Variants in PAK2 observed in about 807,000 individuals in gnomAD.
The protein encoded by PAK2 is p21 (RAC1) activated kinase 2, also known as serine/threonine-protein kinase PAK 2.
Under a neutral mutation model 65.9 loss-of-function variants are expected in PAK2, and 21 were observed. That is an observed-to-expected ratio of 0.32 (90% CI 0.23 to 0.46). PAK2 has a LOEUF of 0.46. Among genes scored for constraint, PAK2 ranks in the 20% least tolerant of loss-of-function variants. The pLI, the probability that PAK2 is intolerant of heterozygous loss-of-function variation, is 1.00. For missense variants in PAK2, 324 were observed against 642.6 expected, an observed-to-expected ratio of 0.50 and a Z score of 5.36; for synonymous variants, 204 against 219.7, an observed-to-expected ratio of 0.93 and a Z score of 0.63.
rs77267508 is a variant in PAK2, at chr3:196,815,822, G to A, written c.1053+1254G>A. Among the ~76,000 whole-genome samples the A allele has an allele frequency of 7.3e-3, 1,107 of 151,760 alleles. 14 individuals carry two copies. The highest frequency in any genetic ancestry group is 0.024 in the African/African-American group (1,012 of 41,414). On this transcript the variant is annotated intron_variant, in intron 11 of 14. Coordinates refer to ENST00000327134, the MANE Select transcript of PAK2 (RefSeq NM_002577.4). Reference sequence around the variant, plus strand: ...AGAGAAAGAAATACGCCACTCAACCGTGGAAACTAGAACTATCTCAGGTCA... The same window carrying A: ...AGAGAAAGAAATACGCCACTCAACCATGGAAACTAGAACTATCTCAGGTCA...
chr3:196,824,233 G>A (rs1711754321), intron 13 of PAK2, among the ~76,000 whole-genome samples: 1 of 152,190 alleles, frequency 6.6e-6, no homozygotes, highest in African/African-American at 2.4e-5. Flanking sequence ...GGATCTTGGT[G>A]ATTACATAGA....
intron 2 of PAK2, among the ~76,000 whole-genome samples, chr3:196,784,751 A>G (rs936669723): frequency 1.3e-5 from 2 of 150,862 alleles, no homozygotes; most frequent in Non-Finnish European, 2.9e-5. Context: ...CAGTAATGGG[A>G]TGGCTGGGTC....
intron 5 of PAK2, among the ~76,000 whole-genome samples, chr3:196,806,163 G>A (rs935447697): frequency 7.9e-5 from 12 of 151,766 alleles, no homozygotes; most frequent in Non-Finnish European, 1.8e-4. Context: ...CACCCACCTC[G>A]GCCTCCCAAA....
At chr3:196,818,329 A>G (rs1212083209) in intron 12 of PAK2, among the ~76,000 whole-genome samples, 173 bp downstream of exon 12, 2 of 152,182 alleles carry the variant, frequency 1.3e-5, no homozygotes, top group Admixed American at 1.3e-4. Flanking sequence ...TGCCAGAGAA[A>G]GGACTCGCTG....
intron 1 of PAK2, among the ~76,000 whole-genome samples, chr3:196,769,486 T>C (rs1714288881): frequency 1.3e-5 from 2 of 151,846 alleles, no homozygotes; most frequent in Admixed American, 6.6e-5. Flanking sequence ...CCACCATCCT[T>C]TTCCAGAGCA....
At chr3:196,825,925 C>T (rs1043155797) in intron 13 of PAK2, among the ~76,000 whole-genome samples, 6 of 151,956 alleles carry the variant, frequency 3.9e-5, no homozygotes, top group African/African-American at 1.4e-4. Flanking sequence ...CTCACTGCAA[C>T]CTCCACCTCC....
intron 2 of PAK2, among the ~76,000 whole-genome samples, chr3:196,800,908 G>A (rs1284393199): frequency 6.6e-6 from 1 of 152,084 alleles, no homozygotes. Flanking sequence ...TGTCATGGAC[G>A]GTAACTGCAG....
intron 1 of PAK2, among the ~76,000 whole-genome samples, chr3:196,779,910 A>G (rs941580271): frequency 5.3e-5 from 8 of 152,242 alleles, no homozygotes; most frequent in Admixed American, 2.6e-4. Flanking sequence ...ACCCCAAGCA[A>G]TCCGCCCACC....
At chr3:196,825,512 G>A (rs1007660644) in intron 13 of PAK2, among the ~76,000 whole-genome samples, 15 of 151,952 alleles carry the variant, frequency 9.9e-5, no homozygotes, top group South Asian at 2.1e-4. Flanking sequence ...GCATTTTGGC[G>A]GGCGCCTATA....
intron 1 of PAK2, among the ~76,000 whole-genome samples, chr3:196,770,489 A>G (rs749857378): frequency 6.6e-6 from 1 of 151,808 alleles, no homozygotes; most frequent in Non-Finnish European, 1.5e-5. Context: ...CATGCCTGTG[A>G]GTAGCCACTG....
chr3:196,806,757 G>T, intron 6 of PAK2, 71 bp downstream of exon 6: 2 of 888,778 alleles, frequency 2.3e-6, no homozygotes, highest in South Asian at 1.4e-5. Flanking sequence ...GTTTGTATTT[G>T]ACTTTCAGTG....
rs1344504419 is a variant in PAK2, at chr3:196,812,721, A to T, written c.823-18A>T. On this transcript the variant is annotated intron_variant, in intron 9 of 14. Transcript: ENST00000327134. ...GAATTCCTAAACCTGGTTTTTTTCA[A>T]TCCTGTTTTCATTATAGGTTGCTAT... The T allele has an allele frequency of 2.7e-6, 3 of 1,129,904 alleles. No homozygotes were observed. Among genetic ancestry groups the T allele is most frequent in the Admixed American group, 1.9e-5 (1 of 51,872 alleles). 70.0% of individuals were successfully genotyped at this position (1,129,904 alleles called of 1,614,324 possible). A position where few individuals can be genotyped will look rare whatever the true frequency, so the allele number is the denominator to read the frequency against.
At position 196,742,099 on chromosome 3, in the gene PAK2, C is replaced by CTTTT. The variant is rs60738699; in HGVS notation, c.-22+1957_-22+1960dup. Among the ~76,000 whole-genome samples, 40 of 128,994 alleles carry CTTTT rather than the reference C, an allele frequency of 3.1e-4. 1 individual carries two copies. The highest frequency in any genetic ancestry group is 4.8e-4 in the South Asian group (2 of 4,150). 84.6% of individuals were successfully genotyped at this position (128,994 alleles called of 152,430 possible). A position where few individuals can be genotyped will look rare whatever the true frequency, so the allele number is the denominator to read the frequency against. ...TAGATGCGGTTAACAATTAATATTT[C>CTTTT]TTTTTTTTTTTTTTTTTTGAGACGG... On this transcript the variant is annotated intron_variant, in intron 1 of 14. Coordinates refer to ENST00000327134, the MANE Select transcript of PAK2 (RefSeq NM_002577.4).
intron 1 of PAK2, among the ~76,000 whole-genome samples, chr3:196,770,779 C>T (rs749875417): frequency 2.0e-5 from 3 of 151,836 alleles, no homozygotes; most frequent in Non-Finnish European, 4.4e-5. Context: ...CATGCCACCA[C>T]GCCCGACTAA....
intron 2 of PAK2, chr3:196,785,170 G>A (rs1409935635): frequency 1.3e-5 from 2 of 152,180 alleles, no homozygotes; most frequent in Admixed American, 1.3e-4. Flanking sequence ...TATGAACTCT[G>A]TATAGTGGAC....
At chr3:196,788,903 T>C (rs1181769547) in intron 2 of PAK2, among the ~76,000 whole-genome samples, 1 of 152,048 alleles carries the variant, frequency 6.6e-6, no homozygotes, top group Non-Finnish European at 1.5e-5. Context: ...ATGTAGGCAC[T>C]ACAGACAGCA....
chr3:196,814,815 G>T lies in PAK2; in HGVS notation c.1053+247G>T, dbSNP rs553405223. On this transcript the variant is annotated intron_variant, in intron 11 of 14. Transcript: ENST00000327134. Reference sequence around the variant, plus strand: ...GATCCAGATTCACAAGGAAATTCTGGTAGAGTGATGATGATCATTTACCAT... The same window carrying T: ...GATCCAGATTCACAAGGAAATTCTGTTAGAGTGATGATGATCATTTACCAT... 2.2e-3 allele frequency among the ~76,000 whole-genome samples: 334 copies of T among 152,240 alleles called. 2 individuals carry two copies. The highest frequency in any genetic ancestry group is 7.5e-3 in the African/African-American group (313 of 41,532).
chr3:196,810,536 A>G, intron 7 of PAK2, 54 bp from the exon 8 acceptor site: 4 of 904,158 alleles, frequency 4.4e-6, no homozygotes, highest in East Asian at 2.4e-5. Flanking sequence ...TAATATCACA[A>G]TCAATTTACA....
chr3:196,794,087 C>T (rs550518621), intron 2 of PAK2, among the ~76,000 whole-genome samples: 9 of 151,970 alleles, frequency 5.9e-5, no homozygotes, highest in Admixed American at 2.0e-4. Context: ...GCCAAGATTG[C>T]GCCATTGCAC....
Sources: allele counts gnomAD v4.1 joint callset (sites outside exome capture counted in the v4.1 genomes callset), GRCh38; gene constraint gnomAD v4.1.1; transcripts MANE v1.5; gene names NCBI Gene and HGNC (gene_info 2026-07-23, HGNC 2026-07-21).